FSHR: variants seen among roughly 807,000 people sequenced by gnomAD.
The protein encoded by FSHR is follicle stimulating hormone receptor.
In FSHR, 46 loss-of-function variants were observed where a neutral mutation model predicts 52.1. That is an observed-to-expected ratio of 0.88 (90% confidence interval 0.70 to 1.13). The LOEUF is 1.13. FSHR is among the 50% of genes most tolerant of loss of function. The pLI, the probability that FSHR is intolerant of heterozygous loss-of-function variation, is 0.00. For synonymous variants in FSHR, 399 were observed against 309.6 expected, an observed-to-expected ratio of 1.29 and a Z score of -3.03; for missense variants, 964 against 834.6, an observed-to-expected ratio of 1.16 and a Z score of -1.91.
rs969077415 is a variant in FSHR, at chr2:48,984,329, G to A, written c.525-1163C>T. On this transcript the variant is annotated intron_variant, in intron 6 of 9. Coordinates refer to ENST00000406846, the MANE Select transcript of FSHR (RefSeq NM_000145.4). ...TGCACCCCCAATGCCATTTGAGAAA[G>A]CCTCTCCCAGGCACATCTGGACTCC... Among the ~76,000 whole-genome samples the A allele has an allele frequency of 3.3e-5, 5 of 152,198 alleles. No individual in the cohort carries two copies. The South Asian group carries it at 1.0e-3, about 32-fold the overall frequency.
chr2:49,068,845 A>G (rs1434118968), intron 1 of FSHR, among the ~76,000 whole-genome samples: 1 of 151,984 alleles, frequency 6.6e-6, no homozygotes, highest in African/African-American at 2.4e-5. Context: ...AGCTTCTCCA[A>G]TATACACTAG....
At chr2:49,006,791 A>G (rs1019902362) in intron 4 of FSHR, among the ~76,000 whole-genome samples, 27 of 152,240 alleles carry the variant, frequency 1.8e-4, no homozygotes, top group Middle Eastern at 3.4e-3. Flanking sequence ...AGAGCTGTCC[A>G]TCGATATCTC....
At chr2:49,027,054 G>C (rs983115101) in intron 2 of FSHR, among the ~76,000 whole-genome samples, 1 of 152,034 alleles carries the variant, frequency 6.6e-6, no homozygotes, top group Admixed American at 6.5e-5. Context: ...CCCTAGTCAC[G>C]ACCCCTGCCA....
intron 1 of FSHR, among the ~76,000 whole-genome samples, chr2:49,089,478 T>C (rs1036114843): frequency 6.6e-6 from 1 of 152,190 alleles, no homozygotes; most frequent in Non-Finnish European, 1.5e-5. Flanking sequence ...TTTATAATAC[T>C]TACTTGGTAA....
chr2:48,982,472 A>T lies in FSHR; in HGVS notation c.668+440T>A, dbSNP rs369758600. Among the ~76,000 whole-genome samples the T allele has an allele frequency of 5.5e-3, 834 of 152,274 alleles. 10 individuals carry two copies. The highest frequency in any genetic ancestry group is 0.019 in the African/African-American group (797 of 41,568). On this transcript the variant is annotated intron_variant, in intron 8 of 9. Transcript: ENST00000406846. ...AATTGTGCTTTCCTTTCCAGGGAAG[A>T]GACACATGATCGAGTGGTTGTGGGT...
At chr2:48,969,084 T>C (rs1674616194) in intron 8 of FSHR, among the ~76,000 whole-genome samples, 1 of 152,172 alleles carries the variant, frequency 6.6e-6, no homozygotes, top group Non-Finnish European at 1.5e-5. Context: ...GGTCCTTCTG[T>C]TCCTGGTAGG....
At chr2:49,029,215 T>C (rs1668015754) in intron 2 of FSHR, among the ~76,000 whole-genome samples, 1 of 152,252 alleles carries the variant, frequency 6.6e-6, no homozygotes, top group Admixed American at 6.5e-5. Flanking sequence ...CAGTATTTAC[T>C]ACCTGTGATT....
At chr2:49,007,419 T>TA (rs2104168418) in intron 4 of FSHR, among the ~76,000 whole-genome samples, 1 of 152,282 alleles carries the variant, frequency 6.6e-6, no homozygotes, top group Admixed American at 6.5e-5. Flanking sequence ...GGAAGCATTA[T>TA]TCAACCAGCT....
rs547174772 is a variant in FSHR, at chr2:49,141,787, T to G, written c.152+12479A>C. ...GTGCTCAGATGAAGAGTTTAGACTT[T>G]ACTTTAGGAGTTCAGAGTAAAAAGA... On this transcript the variant is annotated intron_variant, in intron 1 of 9. Coordinates refer to ENST00000406846, the MANE Select transcript of FSHR (RefSeq NM_000145.4). 3.9e-5 allele frequency among the ~76,000 whole-genome samples: 6 copies of G among 151,990 alleles called. No individual in the cohort carries two copies. The East Asian group carries it at 7.8e-4, about 20-fold the overall frequency.
intron 8 of FSHR, among the ~76,000 whole-genome samples, chr2:48,974,140 C>T (rs1170945998): frequency 1.3e-5 from 2 of 152,066 alleles, no homozygotes; most frequent in African/African-American, 4.8e-5. Context: ...AAAGTGAGCT[C>T]AGGAAAATGG....
At chr2:49,030,159 T>C (rs1466243568) in intron 2 of FSHR, among the ~76,000 whole-genome samples, 1 of 152,160 alleles carries the variant, frequency 6.6e-6, no homozygotes, top group Non-Finnish European at 1.5e-5. Context: ...AGACAGCATA[T>C]GTTTTATTGT....
intron 1 of FSHR, among the ~76,000 whole-genome samples, chr2:49,144,512 A>T (rs566569583): frequency 6.6e-6 from 1 of 152,330 alleles, no homozygotes; most frequent in South Asian, 2.1e-4. Flanking sequence ...CAATTTTGCT[A>T]CTGTTTGCAG....
At chr2:48,968,982 T>C in intron 8 of FSHR, 99 bp from the exon 9 acceptor site, 1 of 1,073,694 alleles carries the variant, frequency 9.3e-7, no homozygotes, top group Non-Finnish European at 1.4e-6. Flanking sequence ...GTGATATTCT[T>C]ACATGGATGA....
chr2:48,994,848 A>G (rs1675951709), intron 4 of FSHR, among the ~76,000 whole-genome samples: 1 of 152,156 alleles, frequency 6.6e-6, no homozygotes, highest in African/African-American at 2.4e-5. Flanking sequence ...TTCCCTCTCT[A>G]CAGCCAGTTT....
At chr2:48,997,962 C>T (rs555473037) in intron 4 of FSHR, among the ~76,000 whole-genome samples, 1 of 152,236 alleles carries the variant, frequency 6.6e-6, no homozygotes, top group African/African-American at 2.4e-5. Flanking sequence ...CCTTCTGCTT[C>T]CTTCTGATAA....
chr2:49,015,840 G>A (rs951760009), intron 4 of FSHR, among the ~76,000 whole-genome samples: 1 of 152,140 alleles, frequency 6.6e-6, no homozygotes, highest in Non-Finnish European at 1.5e-5. Flanking sequence ...TTTCAAGAAG[G>A]TAACAGCAGA....
chr2:48,974,870 C>T (rs564474163), intron 8 of FSHR, among the ~76,000 whole-genome samples: 1 of 152,290 alleles, frequency 6.6e-6, no homozygotes, highest in South Asian at 2.1e-4. Flanking sequence ...CACACTCATA[C>T]ACACACAGGT....
intron 1 of FSHR, among the ~76,000 whole-genome samples, chr2:49,097,098 T>A (rs1172982820): frequency 6.6e-6 from 1 of 152,234 alleles, no homozygotes; most frequent in Admixed American, 6.5e-5. Context: ...AATGACCTAA[T>A]TCACATGATT....
chr2:49,124,436 T>C (rs912910983), intron 1 of FSHR, among the ~76,000 whole-genome samples: 1 of 152,190 alleles, frequency 6.6e-6, no homozygotes, highest in African/African-American at 2.4e-5. Context: ...GCTATAGAAT[T>C]ATTTTTAAAA....
Sources: allele counts gnomAD v4.1 joint callset (sites outside exome capture counted in the v4.1 genomes callset), GRCh38; gene constraint gnomAD v4.1.1; transcripts MANE v1.5; gene names NCBI Gene and HGNC (gene_info 2026-07-23, HGNC 2026-07-21).